The following VAC14 variants were observed in gnomAD, a reference collection of about 807,000 sequenced individuals.
VAC14 encodes protein VAC14 homolog.
A neutral mutation model predicts 85.3 loss-of-function variants in VAC14; 47 were observed. That is an observed-to-expected ratio of 0.55 (90% CI 0.44 to 0.70). VAC14 has a LOEUF of 0.70. Ranked by LOEUF, VAC14 falls within the 30% of genes least tolerant of loss-of-function variation. The pLI, the probability that VAC14 is intolerant of heterozygous loss-of-function variation, is 0.00. For missense variants in VAC14, 861 were observed against 1,004.3 expected (o/e 0.86, Z 1.93); for synonymous variants, 447 against 430.5 (o/e 1.04, Z -0.47).
At chr16:70,761,204 C>A (rs2032350215) in intron 12 of VAC14, 5 of 455,932 alleles carry the variant, frequency 1.1e-5, no homozygotes, top group South Asian at 7.8e-5. Flanking sequence ...CCGGGCCCCC[C>A]ACAAGCCTGG....
intron 1 of VAC14, among the ~76,000 whole-genome samples, chr16:70,798,792 G>A (rs2034650679): frequency 6.6e-6 from 1 of 152,172 alleles, no homozygotes; most frequent in African/African-American, 2.4e-5. Context: ...CCACGCTTTT[G>A]GGCAGCAAGG....
rs1051104909 is a variant in VAC14 at position 70,783,361 on chromosome 16, C to T, written c.704+84G>A. On this transcript the variant is annotated intron_variant, in intron 6 of 18. Coordinates refer to ENST00000261776, the MANE Select transcript of VAC14 (RefSeq NM_018052.5). ...AAGAGGTGATTTCCTGCCCTCCTGC[C>T]GCGGCCTCTCTGTGGGCATGAAGCA... 1.2e-4 allele frequency: 160 copies of T among 1,387,306 alleles called. No individual in the cohort carries two copies. In the Middle Eastern group the frequency reaches 1.5e-3, roughly 13 times the overall value. The allele number at this position is 1,387,306 out of a possible 1,614,324, so 85.9% of individuals were successfully genotyped here. A position where few individuals can be genotyped will look rare whatever the true frequency, so the allele number is the denominator to read the frequency against.
chr16:70,783,711 C>T (rs1190382545), intron 5 of VAC14, among the ~76,000 whole-genome samples, 157 bp from the exon 6 acceptor site: 1 of 152,200 alleles, frequency 6.6e-6, no homozygotes, highest in Non-Finnish European at 1.5e-5. Context: ...CTGGCAAGGA[C>T]AGTCAGCATT....
chr16:70,692,154 G>C, intron 18 of VAC14: 1 of 944,132 alleles, frequency 1.1e-6, no homozygotes, highest in Non-Finnish European at 1.3e-6. Flanking sequence ...CTGGGGTAGG[G>C]GCCAGCCGTG....
chr16:70,760,783 T>C (rs2032265404), intron 12 of VAC14, among the ~76,000 whole-genome samples: 1 of 152,162 alleles, frequency 6.6e-6, no homozygotes, highest in African/African-American at 2.4e-5. Flanking sequence ...TTTAAAGGAC[T>C]GAAAACTCAG....
chr16:70,752,817 A>C (rs939109002), intron 12 of VAC14, among the ~76,000 whole-genome samples: 1 of 152,220 alleles, frequency 6.6e-6, no homozygotes, highest in Non-Finnish European at 1.5e-5. Context: ...TCATCCAACC[A>C]AACTCCTCTA....
intron 10 of VAC14, among the ~76,000 whole-genome samples, chr16:70,766,198 C>T (rs943605854): frequency 4.0e-5 from 6 of 151,720 alleles, no homozygotes; most frequent in Middle Eastern, 3.4e-3. Flanking sequence ...GCAGAGGACA[C>T]GGGGGAAGCC....
chr16:70,765,930 G>A (rs1205960428), intron 10 of VAC14, among the ~76,000 whole-genome samples: 1 of 152,104 alleles, frequency 6.6e-6, no homozygotes, highest in Non-Finnish European at 1.5e-5. Context: ...CCATGAGTTT[G>A]AGACCAGCTT....
At chr16:70,709,403 G>A (rs1052017803) in intron 14 of VAC14, among the ~76,000 whole-genome samples, 9 of 152,148 alleles carry the variant, frequency 5.9e-5, no homozygotes, top group African/African-American at 2.2e-4. Context: ...GGACTGGAGC[G>A]AGTTTCTCCA....
rs149102628 is a variant in VAC14 at position 70,729,750 on chromosome 16, T to A, written c.1661+1745A>T. Among the ~76,000 whole-genome samples the A allele has an allele frequency of 2.0e-5, 3 of 152,142 alleles. No homozygotes were observed. In the East Asian group the frequency reaches 5.8e-4, roughly 29 times the overall value. On this transcript the variant is annotated intron_variant, in intron 14 of 18. Coordinates refer to ENST00000261776, the MANE Select transcript of VAC14 (RefSeq NM_018052.5). ...ACTCGACCTCTTCTTAAGAACTCCC[T>A]AAGAATGAAAGCTCCACAAGTGCAG...
chr16:70,746,608 A>C (rs1375469809), intron 12 of VAC14, among the ~76,000 whole-genome samples: 1 of 152,206 alleles, frequency 6.6e-6, no homozygotes. Flanking sequence ...GGTGGGTCTC[A>C]GCCTAGAAGT....
chr16:70,772,472 C>T, intron 9 of VAC14: 1 of 329,966 alleles, frequency 3.0e-6, no homozygotes, highest in Non-Finnish European at 5.6e-6. Context: ...TTTAAAATGA[C>T]AGATAATACC....
At chr16:70,724,535 G>T (rs935068521) in intron 14 of VAC14, among the ~76,000 whole-genome samples, 2 of 152,168 alleles carry the variant, frequency 1.3e-5, no homozygotes, top group Admixed American at 1.3e-4. Flanking sequence ...TCTTTTCTGT[G>T]TGTCAGACTG....
At chr16:70,769,012 C>T (rs1047930076) in intron 10 of VAC14, 4 of 275,904 alleles carry the variant, frequency 1.4e-5, no homozygotes, top group East Asian at 2.7e-4. Flanking sequence ...GATGGGGTTT[C>T]ACCATGTTGG....
chr16:70,750,766 C>T (rs377206447), intron 12 of VAC14, among the ~76,000 whole-genome samples: 33 of 152,278 alleles, frequency 2.2e-4, no homozygotes, highest in African/African-American at 5.3e-4. Context: ...TCTTCTCTGA[C>T]TGGTCCATCC....
chr16:70,786,086 T>C, intron 2 of VAC14, 129 bp downstream of exon 2: 1 of 1,464,970 alleles, frequency 6.8e-7, no homozygotes, highest in Non-Finnish European at 9.2e-7. Flanking sequence ...TGGTCTCAGG[T>C]GCGGACAGAG....
chr16:70,698,542 G>T, intron 15 of VAC14, 95 bp downstream of exon 15: 1 of 1,480,600 alleles, frequency 6.8e-7, no homozygotes, highest in South Asian at 1.3e-5. Context: ...TTCTCCCTGA[G>T]AGCCTCCTGG....
At chr16:70,774,737 C>T (rs2033429941) in intron 9 of VAC14, among the ~76,000 whole-genome samples, 1 of 146,722 alleles carries the variant, frequency 6.8e-6, no homozygotes, top group Admixed American at 6.7e-5. Flanking sequence ...CCCTCCCTCC[C>T]TCCCTTCCTT....
chr16:70,717,957 G>A (rs74635215), intron 14 of VAC14, among the ~76,000 whole-genome samples: 9,791 of 152,282 alleles, frequency 0.064, 339 homozygotes, highest in Middle Eastern at 0.078. Context: ...CCGGCCTTGA[G>A]TATTCATCTG....
Sources: allele counts gnomAD v4.1 joint callset (sites outside exome capture counted in the v4.1 genomes callset), GRCh38; gene constraint gnomAD v4.1.1; transcripts MANE v1.5; gene names NCBI Gene and HGNC (gene_info 2026-07-23, HGNC 2026-07-21).